Variants in CDH12 observed in about 807,000 individuals in gnomAD.
CDH12 encodes cadherin 12.
Under a neutral mutation model 74.1 loss-of-function variants are expected in CDH12, and 41 were observed. The ratio of observed to expected loss-of-function variants is 0.55; its 90% CI spans 0.43 to 0.72. The LOEUF (loss-of-function observed/expected upper bound fraction) is 0.72, where lower values mean the gene tolerates loss of function less well. Ranked by LOEUF, CDH12 falls within the 30% of genes least tolerant of loss-of-function variation. The pLI, the probability that CDH12 is intolerant of heterozygous loss-of-function variation, is 0.00. For synonymous variants in CDH12, 399 were observed against 355.0 expected, an observed-to-expected ratio of 1.12 and a Z score of -1.39; for missense variants, 945 against 977.2, an observed-to-expected ratio of 0.97 and a Z score of 0.44.
intron 5 of CDH12, among the ~76,000 whole-genome samples, chr5:22,023,586 T>C (rs1738145967): frequency 6.6e-6 from 1 of 151,818 alleles, no homozygotes; most frequent in Non-Finnish European, 1.5e-5. Flanking sequence ...TCTCTATATA[T>C]ATATATACAC....
intron 4 of CDH12, among the ~76,000 whole-genome samples, chr5:22,081,089 T>A (rs1742694947): frequency 6.6e-6 from 1 of 152,138 alleles, no homozygotes; most frequent in South Asian, 2.1e-4. Context: ...TCTTTCCAAT[T>A]TTTTAATGTG....
chr5:22,319,026 T>C (rs1738750001), intron 3 of CDH12, among the ~76,000 whole-genome samples: 4 of 152,180 alleles, frequency 2.6e-5, no homozygotes, highest in Admixed American at 2.6e-4. Context: ...TGACTTTACA[T>C]AACCTTAGTT....
At chr5:22,381,660 A>G (rs1741763396) in intron 3 of CDH12, among the ~76,000 whole-genome samples, 1 of 151,962 alleles carries the variant, frequency 6.6e-6, no homozygotes, top group Non-Finnish European at 1.5e-5. Flanking sequence ...TCCTGTGGAG[A>G]CTATAATACT....
chr5:22,378,673 T>C (rs1049885110), intron 3 of CDH12, among the ~76,000 whole-genome samples: 17 of 152,110 alleles, frequency 1.1e-4, no homozygotes, highest in African/African-American at 2.4e-5. Context: ...TTGAGTTGTG[T>C]CTCTTTATAT....
intron 3 of CDH12, among the ~76,000 whole-genome samples, chr5:22,305,962 C>T (rs1032392171): frequency 3.9e-5 from 6 of 152,024 alleles, no homozygotes; most frequent in Non-Finnish European, 8.8e-5. Flanking sequence ...TACATAGCAC[C>T]TTCTCCCTGC....
intron 1 of CDH12, among the ~76,000 whole-genome samples, chr5:22,670,587 G>A (rs1251593876): frequency 4.0e-5 from 6 of 151,878 alleles, no homozygotes; most frequent in East Asian, 1.9e-4. Context: ...TACCACAGGA[G>A]GTTATTAAAC....
chr5:22,417,662 T>C (rs541622956), intron 2 of CDH12, among the ~76,000 whole-genome samples: 1 of 152,334 alleles, frequency 6.6e-6, no homozygotes, highest in Admixed American at 6.5e-5. Context: ...ATAGAATAAA[T>C]AGAATAAATC....
intron 1 of CDH12, among the ~76,000 whole-genome samples, chr5:22,796,183 T>C (rs1023309229): frequency 6.6e-6 from 1 of 152,170 alleles, no homozygotes; most frequent in African/African-American, 2.4e-5. Flanking sequence ...CGAATACCGA[T>C]TTCATTTTCT....
intron 4 of CDH12, among the ~76,000 whole-genome samples, chr5:22,167,784 G>A (rs186371918): frequency 6.3e-4 from 96 of 152,142 alleles, no homozygotes; most frequent in Non-Finnish European, 1.0e-3. Context: ...CCTTAGGTCT[G>A]CTTTGTTAAT....
chr5:22,804,065 T>C (rs1748662848), intron 1 of CDH12, among the ~76,000 whole-genome samples: 1 of 152,210 alleles, frequency 6.6e-6, no homozygotes, highest in African/African-American at 2.4e-5. Context: ...TGAAGAAATG[T>C]ATTAAAGAAT....
intron 5 of CDH12, among the ~76,000 whole-genome samples, chr5:21,977,010 T>C (rs1039908502): frequency 6.6e-6 from 1 of 152,182 alleles, no homozygotes; most frequent in African/African-American, 2.4e-5. Flanking sequence ...TAAAATAATA[T>C]CATTGTTCAT....
intron 6 of CDH12, among the ~76,000 whole-genome samples, chr5:21,940,011 A>G (rs1049529708): frequency 6.6e-6 from 1 of 152,132 alleles, no homozygotes; most frequent in African/African-American, 2.4e-5. Context: ...ACTTGAAGTC[A>G]GGAGTTTTAG....
intron 6 of CDH12, among the ~76,000 whole-genome samples, chr5:21,938,123 T>C (rs1394295188): frequency 4.6e-5 from 7 of 152,124 alleles, no homozygotes; most frequent in African/African-American, 1.7e-4. Context: ...TTTTCCAGTT[T>C]AACCTCAAAG....
intron 1 of CDH12, among the ~76,000 whole-genome samples, chr5:22,824,051 TC>T (rs1248191710): frequency 2.0e-5 from 3 of 151,984 alleles, no homozygotes; most frequent in African/African-American, 4.8e-5. Context: ...AGATAATAAC[TC>T]CAAGAACATA....
intron 1 of CDH12, among the ~76,000 whole-genome samples, chr5:22,621,485 A>C (rs2126840780): frequency 6.6e-6 from 1 of 152,254 alleles, no homozygotes; most frequent in South Asian, 2.1e-4. Context: ...ATCTTAGAAA[A>C]AAATTCTCAG....
intron 8 of CDH12, among the ~76,000 whole-genome samples, chr5:21,818,702 T>A (rs1748201302): frequency 6.6e-6 from 1 of 151,992 alleles, no homozygotes; most frequent in Non-Finnish European, 1.5e-5. Flanking sequence ...TTTACAGTGG[T>A]CCACAAGAGT....
chr5:22,534,084 A>T (rs534676579), intron 1 of CDH12, among the ~76,000 whole-genome samples: 6 of 152,298 alleles, frequency 3.9e-5, no homozygotes, highest in African/African-American at 1.2e-4. Context: ...TGAATCACTG[A>T]TGTGCTCTTA....
At chr5:22,388,438 C>A (rs1742094754) in intron 3 of CDH12, among the ~76,000 whole-genome samples, 1 of 151,874 alleles carries the variant, frequency 6.6e-6, no homozygotes, top group African/African-American at 2.4e-5. Flanking sequence ...AAGCCAACAG[C>A]TTAACACAGT....
At chr5:22,603,709 G>T (rs1484639489) in intron 1 of CDH12, among the ~76,000 whole-genome samples, 1 of 152,076 alleles carries the variant, frequency 6.6e-6, no homozygotes, top group Non-Finnish European at 1.5e-5. Flanking sequence ...CGGACCTTGT[G>T]GTTTACGACA....
Sources: gnomAD v4.1 joint callset for allele counts (sites outside exome capture counted in the v4.1 genomes callset) on GRCh38, gnomAD v4.1.1 for gene constraint, MANE v1.5 for transcripts, NCBI Gene and HGNC (gene_info 2026-07-23, HGNC 2026-07-21) for gene names.